The following TJP3 variants were observed in gnomAD, a reference collection of about 807,000 sequenced individuals.
TJP3 encodes tight junction protein ZO-3.
Under a neutral mutation model 104.2 loss-of-function variants are expected in TJP3, and 85 were observed. The ratio of observed to expected loss-of-function variants is 0.82; its 90% CI spans 0.68 to 0.98. The LOEUF (loss-of-function observed/expected upper bound fraction) is 0.98. Among genes scored for constraint, TJP3 ranks in the 50% least tolerant of loss-of-function variants. The pLI is 0.00. For synonymous variants in TJP3, 550 were observed against 550.6 expected (o/e 1.00, Z 0.02); for missense variants, 1,367 against 1,322.8 (o/e 1.03, Z -0.52).
chr19:3,717,484 G>A (rs773582662), intron 1 of TJP3, among the ~76,000 whole-genome samples: 1 of 150,846 alleles, frequency 6.6e-6, no homozygotes, highest in African/African-American at 2.4e-5. Context: ...CACCCAGGCT[G>A]GAGTGCAGTG....
intron 1 of TJP3, among the ~76,000 whole-genome samples, chr19:3,708,907 C>T (rs62130620): frequency 0.013 from 1,941 of 152,232 alleles, 23 homozygotes; most frequent in Non-Finnish European, 0.021. Flanking sequence ...TCAGTCCAGA[C>T]GGAGCCTGGG....
chr19:3,746,933 C>A lies in TJP3; in HGVS notation c.2322+57C>A, dbSNP rs1019692650. On this transcript the variant is annotated intron_variant, in intron 18 of 20. Transcript: ENST00000541714. This position sits in a 1 kb window ranked among gnomAD's most constrained non-coding sequence, Gnocchi z 4.1. ...GAGGCCCCACAGACGCTGTGCAGGC[C>A]CAGCTGGGGTTTGGGGCCTCTGTCG... 6.6e-7 allele frequency: 1 copy of A among 1,516,520 alleles called. No homozygotes were observed. Among genetic ancestry groups the A allele is most frequent in the Admixed American group, 1.9e-5 (1 of 51,442 alleles). The allele number at this position is 1,516,520 out of a possible 1,614,324, so 93.9% of individuals were successfully genotyped here. A position where few individuals can be genotyped will look rare whatever the true frequency, so the allele number is the denominator to read the frequency against.
At chr19:3,709,383 A>G (rs919407893) in intron 1 of TJP3, among the ~76,000 whole-genome samples, 9 of 152,216 alleles carry the variant, frequency 5.9e-5, no homozygotes, top group Non-Finnish European at 1.0e-4. Flanking sequence ...GGCGCAAGCC[A>G]CTGCGCCCAG....
rs146517194 is a variant in TJP3 at position 3,717,349 on chromosome 19, C to T, written c.-10+8788C>T. ...AACTCCTGACCTCAAGTGATTCGGC[C>T]GCCTTGGCCATCCAAAGTGGGATTA... On this transcript the variant is annotated intron_variant, in intron 1 of 20. Coordinates refer to ENST00000541714, the MANE Select transcript of TJP3 (RefSeq NM_001267560.2). Among the ~76,000 whole-genome samples the T allele has an allele frequency of 2.0e-4, 30 of 147,888 alleles. 2 individuals carry two copies. The East Asian group carries it at 5.4e-3, about 26-fold the overall frequency.
chr19:3,744,872 G>A (rs539541479), intron 15 of TJP3, among the ~76,000 whole-genome samples: 3 of 152,236 alleles, frequency 2.0e-5, no homozygotes, highest in Admixed American at 2.0e-4. Context: ...AGGGTGCAGT[G>A]AGCAGAGATC....
intron 3 of TJP3, 36 bp downstream of exon 3, chr19:3,728,749 G>A (rs2036633011): frequency 6.2e-7 from 1 of 1,604,334 alleles, no homozygotes; most frequent in African/African-American, 1.3e-5. Context: ...GGCGGGGGAG[G>A]GCACGTGGAG....
At chr19:3,721,196 G>A (rs983963624) in intron 1 of TJP3, among the ~76,000 whole-genome samples, 2 of 152,078 alleles carry the variant, frequency 1.3e-5, no homozygotes, top group Non-Finnish European at 2.9e-5. Flanking sequence ...CACCGCGCCC[G>A]GCCCTGCCCT....
At position 3,750,140 on chromosome 19, in the gene TJP3, G is replaced by A. The variant is rs1439074112; in HGVS notation, c.2613G>A (p.Val871=). 2 of 1,614,118 alleles carry A rather than the reference G, an allele frequency of 1.2e-6. No individual in the cohort carries two copies. Among genetic ancestry groups the A allele is most frequent in the Non-Finnish European group, 8.5e-7 (1 of 1,180,016 alleles). The part of the protein sequence containing the change: ...GRISAHQGAQ[V]DSRHPQGQWR... ...CTCCTCTCTCCCTCTCCTCCAAGGTGGACAGCCGCCACCCCCAGGGACAGT... is the reference window on the plus strand; with the variant it reads ...CTCCTCTCTCCCTCTCCTCCAAGGTAGACAGCCGCCACCCCCAGGGACAGT... Residue 871 remains valine, a splice_region_variant and synonymous_variant, in exon 20 of 21, where the codon GTG becomes GTA. Transcript: ENST00000541714.
chr19:3,724,661 C>T (rs532558180), intron 1 of TJP3, among the ~76,000 whole-genome samples: 1 of 152,266 alleles, frequency 6.6e-6, no homozygotes, highest in East Asian at 1.9e-4. Flanking sequence ...CTCAGCCTCT[C>T]GAGGAGCTGG....
At chr19:3,718,212 AGTGT>A (rs71339057) in intron 1 of TJP3, among the ~76,000 whole-genome samples, 2,207 of 48,072 alleles carry the variant, frequency 0.046, 57 homozygotes, top group Middle Eastern at 0.071. Context: ...AAAAAAAAAA[AGTGT>A]GTGTGTGTGT....
Position 3,735,938 on chromosome 19 carries a change from A to G in TJP3, c.1127+3A>G. On this transcript the variant is annotated splice_donor_region_variant and intron_variant, in intron 10 of 20. Coordinates refer to ENST00000541714, the MANE Select transcript of TJP3 (RefSeq NM_001267560.2). ...AGTCAGAGCATGGAGGATCGTGGGT[A>G]TGTACCCCAGAAGAAAGCAAACCCG... The G allele has an allele frequency of 2.5e-6, 4 of 1,614,118 alleles. No homozygotes were observed. The highest frequency in any genetic ancestry group is 3.4e-6 in the Non-Finnish European group (4 of 1,180,012).
chr19:3,746,906 G>C lies in TJP3; in HGVS notation c.2322+30G>C, dbSNP rs937919104. 26 of 1,555,814 alleles carry C rather than the reference G, an allele frequency of 1.7e-5. No individual in the cohort carries two copies. Among genetic ancestry groups the C allele is most frequent in the Non-Finnish European group, 2.1e-5 (24 of 1,144,286 alleles). ...TGCCGCGGTGTGGGTGGGTCGGGCA[G>C]GGAGGCCCCACAGACGCTGTGCAGG... On this transcript the variant is annotated intron_variant, in intron 18 of 20. Coordinates refer to ENST00000541714, the MANE Select transcript of TJP3 (RefSeq NM_001267560.2). The surrounding 1 kb of genome is among the most constrained non-coding windows in gnomAD (Gnocchi z 4.1).
intron 1 of TJP3, among the ~76,000 whole-genome samples, chr19:3,715,776 T>G (rs1030398650): frequency 6.6e-5 from 10 of 152,140 alleles, no homozygotes; most frequent in African/African-American, 2.4e-4. Context: ...TTTTATTGTT[T>G]CATTTTATTT....
chr19:3,708,789 C>A (rs1244377560), intron 1 of TJP3, among the ~76,000 whole-genome samples: 1 of 152,170 alleles, frequency 6.6e-6, no homozygotes, highest in African/African-American at 2.4e-5. Context: ...GGACGCTGAG[C>A]TGGAAACTTA....
chr19:3,740,590 C>A lies in TJP3; in HGVS notation c.1670C>A (p.Ala557Asp). The part of the protein sequence containing the change: ...QLASLEAAQR[A>D]VGVGPGSSAG... ...GCCAGCCTGGAAGCTGCCCAGAGGGCCGTGGGAGTCGGGCCCGGCTCCTCC... is the reference window on the plus strand; with the variant it reads ...GCCAGCCTGGAAGCTGCCCAGAGGGACGTGGGAGTCGGGCCCGGCTCCTCC... Residue 557 changes from alanine (A) to aspartate (D), a missense_variant, in exon 14 of 21, where the codon GCC becomes GAC. Transcript: ENST00000541714. The A allele has an allele frequency of 1.3e-6, 2 of 1,537,082 alleles. No homozygotes were observed. Among genetic ancestry groups the A allele is most frequent in the Non-Finnish European group, 1.7e-6 (2 of 1,143,220 alleles).
chr19:3,720,108 C>G (rs1419481148), intron 1 of TJP3, among the ~76,000 whole-genome samples: 2 of 152,302 alleles, frequency 1.3e-5, no homozygotes, highest in East Asian at 3.9e-4. Flanking sequence ...TCCCCAATTA[C>G]AGATGTGGAA....
rs367664509 is a variant in TJP3, at chr19:3,730,346, C to T, written c.262-9C>T. The T allele has an allele frequency of 1.3e-5, 19 of 1,512,234 alleles. No individual in the cohort carries two copies. In the African/African-American group the frequency reaches 2.4e-4, roughly 19 times the overall value. The allele number at this position is 1,512,234 out of a possible 1,614,324, so 93.7% of individuals were successfully genotyped here. A position where few individuals can be genotyped will look rare whatever the true frequency, so the allele number is the denominator to read the frequency against. On this transcript the variant is annotated splice_polypyrimidine_tract_variant and intron_variant, in intron 4 of 20. Coordinates refer to ENST00000541714, the MANE Select transcript of TJP3 (RefSeq NM_001267560.2). This position sits in a 1 kb window ranked among gnomAD's most constrained non-coding sequence, Gnocchi z 7.3. ...TGTAGCTGACCCTTCCTGTCCCCTC[C>T]TCTAACAGACAGTGAAACGTCCCCG...
chr19:3,745,992 T>C lies in TJP3; in HGVS notation c.1940-19T>C, dbSNP rs1599163956. 1 of 1,587,054 alleles carries C rather than the reference T, an allele frequency of 6.3e-7. No individual in the cohort carries two copies. Among genetic ancestry groups the C allele is most frequent in the South Asian group, 1.1e-5 (1 of 87,386 alleles). On this transcript the variant is annotated intron_variant, in intron 15 of 20. Transcript: ENST00000541714. ...GGGGCTGCCCTCCTGAAGCTGCTGG[T>C]CCTCTCTGCCGTCCACAGAGACTGT...
At position 3,716,292 on chromosome 19, in the gene TJP3, C is replaced by T. The variant is rs183594053; in HGVS notation, c.-10+7731C>T. On this transcript the variant is annotated intron_variant, in intron 1 of 20. Transcript: ENST00000541714. ...TTCACCCTGTTGGCCAGGCTGCTCT[C>T]GAACTATTGACCTCAAGTGATCCGC... 9.4e-4 allele frequency among the ~76,000 whole-genome samples: 140 copies of T among 148,622 alleles called. 6 individuals carry two copies. Among genetic ancestry groups the T allele is most frequent in the African/African-American group, 2.6e-3 (107 of 41,386 alleles).
Sources: allele counts gnomAD v4.1 joint callset (sites outside exome capture counted in the v4.1 genomes callset), GRCh38; gene constraint gnomAD v4.1.1; non-coding constraint Gnocchi (gnomAD v3.1); transcripts MANE v1.5; gene names NCBI Gene and HGNC (gene_info 2026-07-23, HGNC 2026-07-21).